The following NSD2 variants were observed in gnomAD, a reference collection of about 807,000 sequenced individuals.
The protein encoded by NSD2 is nuclear receptor binding SET domain protein 2.
NSD2 carries 12 observed loss-of-function variants against 139.0 expected under a neutral mutation model. The ratio of observed to expected loss-of-function variants is 0.09; its 90% confidence interval spans 0.06 to 0.14. NSD2 has a LOEUF of 0.14. NSD2 is among the 10% of genes least tolerant of loss of function. The pLI, the probability that NSD2 is intolerant of heterozygous loss-of-function variation, is 1.00. For synonymous variants in NSD2, 669 were observed against 648.7 expected, an observed-to-expected ratio of 1.03 and a Z score of -0.48; for missense variants, 1,155 against 1,745.0, an observed-to-expected ratio of 0.66 and a Z score of 6.02.
At chr4:1,945,396 GT>G (rs1226303105) in intron 9 of NSD2, 1 of 1,064,794 alleles carries the variant, frequency 9.4e-7, no homozygotes, top group Non-Finnish European at 1.1e-6. Context: ...CATGGTGTGT[GT>G]GTCCAGAGGT....
At chr4:1,959,931 G>A (rs1308296877) in intron 17 of NSD2, among the ~76,000 whole-genome samples, 191 bp downstream of exon 17, 1 of 152,152 alleles carries the variant, frequency 6.6e-6, no homozygotes, top group Non-Finnish European at 1.5e-5. Flanking sequence ...CATGATTGTA[G>A]TTCACTGCAG....
At chr4:1,876,861 G>C (rs893975233) in intron 1 of NSD2, among the ~76,000 whole-genome samples, 2 of 152,082 alleles carry the variant, frequency 1.3e-5, no homozygotes, top group African/African-American at 4.8e-5. Context: ...TGCTGGTGCG[G>C]TGGGTGGCTC....
Position 1,898,050 on chromosome 4 carries a change from C to A in NSD2, c.-29-2576C>A, listed in dbSNP as rs558618855. ...CCTCCTTCTGGGTGGAACTCCAGACCCTTTAATATTGTTCCACAGATCTGT... is the reference window on the plus strand; with the variant it reads ...CCTCCTTCTGGGTGGAACTCCAGACACTTTAATATTGTTCCACAGATCTGT... On this transcript the variant is annotated intron_variant, in intron 1 of 21. Coordinates refer to ENST00000508803, the MANE Select transcript of NSD2 (RefSeq NM_001042424.3). Among the ~76,000 whole-genome samples the A allele has an allele frequency of 4.7e-4, 72 of 152,188 alleles. No homozygotes were observed. The South Asian group carries it at 5.4e-3, about 11-fold the overall frequency.
At chr4:1,913,240 T>G (rs1484831231) in intron 3 of NSD2, among the ~76,000 whole-genome samples, 1 of 152,228 alleles carries the variant, frequency 6.6e-6, no homozygotes, top group Non-Finnish European at 1.5e-5. Context: ...CGCCAGTGCC[T>G]GGGAAGGCAC....
Position 1,948,012 on chromosome 4 carries a change from G to T in NSD2, c.1882-3060G>T. The T allele has an allele frequency of 1.9e-6, 2 of 1,056,358 alleles. No individual in the cohort carries two copies. Among genetic ancestry groups the T allele is most frequent in the Non-Finnish European group, 2.3e-6 (2 of 873,514 alleles). The allele number at this position is 1,056,358 out of a possible 1,614,324, so 65.4% of individuals were successfully genotyped here. A position where few individuals can be genotyped will look rare whatever the true frequency, so the allele number is the denominator to read the frequency against. ...TGTTCACTAGGTTCCGTTATGTTTG[G>T]TAATATCATCTTGAAAAGTCCCTGT... is the stretch of plus-strand genomic sequence containing the variant. On this transcript the variant is annotated intron_variant, in intron 9 of 21. Transcript: ENST00000508803. The surrounding 1 kb of genome is among the most constrained non-coding windows in gnomAD (Gnocchi z 4.5).
chr4:1,881,844 A>AGAGCAGG lies in NSD2; in HGVS notation c.-30+10309_-30+10315dup, dbSNP rs1714728303. Among the ~76,000 whole-genome samples the AGAGCAGG allele has an allele frequency of 3.3e-5, 5 of 152,220 alleles. No individual in the cohort carries two copies. The South Asian group carries it at 1.0e-3, about 32-fold the overall frequency. On this transcript the variant is annotated intron_variant, in intron 1 of 21. Coordinates refer to ENST00000508803, the MANE Select transcript of NSD2 (RefSeq NM_001042424.3). Reference sequence around the variant, plus strand: ...AAGACTTCCTGATGGGATAGACACTAGAGCAGGGAGCAGAGAGCAGAACGG... The same window carrying AGAGCAGG: ...AAGACTTCCTGATGGGATAGACACTAGAGCAGGGAGCAGGGAGCAGAGAGCAGAACGG...
intron 9 of NSD2, chr4:1,940,161 TATAC>T: frequency 9.0e-7 from 1 of 1,107,498 alleles, no homozygotes; most frequent in Non-Finnish European, 1.1e-6. Context: ...TGAGCTGACA[TATAC>T]TGGGTGGGGT....
intron 1 of NSD2, among the ~76,000 whole-genome samples, chr4:1,898,777 CAG>C (rs777484008): frequency 6.8e-6 from 1 of 148,120 alleles, no homozygotes; most frequent in Non-Finnish European, 1.5e-5. Context: ...GGAATTTGGG[CAG>C]AGTTTATAGG....
intron 5 of NSD2, among the ~76,000 whole-genome samples, chr4:1,922,836 G>T (rs779204675): frequency 6.6e-6 from 1 of 152,260 alleles, no homozygotes; most frequent in Non-Finnish European, 1.5e-5. Flanking sequence ...TGAGGCTGGA[G>T]AATTGCTTGA....
chr4:1,920,361 A>G (rs1719957030), intron 5 of NSD2, among the ~76,000 whole-genome samples: 1 of 151,836 alleles, frequency 6.6e-6, no homozygotes. Context: ...GAGGCAGGAG[A>G]ATCACTTGAA....
At chr4:1,966,373 AG>A (rs1725887556) in intron 18 of NSD2, among the ~76,000 whole-genome samples, 1 of 63,438 alleles carries the variant, frequency 1.6e-5, no homozygotes, top group African/African-American at 4.9e-5. Context: ...TTGAAGAGAT[AG>A]GGCTGGGCAT....
chr4:1,880,974 T>A (rs778416669), intron 1 of NSD2, among the ~76,000 whole-genome samples: 1 of 152,206 alleles, frequency 6.6e-6, no homozygotes, highest in African/African-American at 2.4e-5. Context: ...GGGTTTGTTA[T>A]GTTTAGTAAT....
intron 1 of NSD2, among the ~76,000 whole-genome samples, chr4:1,885,359 A>T (rs1715008801): frequency 6.6e-6 from 1 of 152,166 alleles, no homozygotes; most frequent in South Asian, 2.1e-4. Flanking sequence ...GTGGAGCATT[A>T]TTGAGGGCTC....
intron 1 of NSD2, among the ~76,000 whole-genome samples, chr4:1,877,266 G>A (rs1027621822): frequency 7.2e-5 from 11 of 152,004 alleles, no homozygotes; most frequent in African/African-American, 2.4e-4. Context: ...GCATTTTTCC[G>A]ACTCCGGTTT....
rs1191501249 is a variant in NSD2 at position 1,976,808 on chromosome 4, A to AG, written c.3826+131dup. The stretch of plus-strand genomic sequence containing the variant: ...GGCACATCAGGCGCTCATGCAGCGA[A>AG]GGCCCTGATCCAGGGTGGCAGAGCC... On this transcript the variant is annotated intron_variant, in intron 21 of 21. Coordinates refer to ENST00000508803, the MANE Select transcript of NSD2 (RefSeq NM_001042424.3). This position sits in a 1 kb window ranked among gnomAD's most constrained non-coding sequence, Gnocchi z 5.3. The AG allele has an allele frequency of 1.4e-5, 13 of 960,958 alleles. 1 individual carries two copies. Among genetic ancestry groups the AG allele is most frequent in the South Asian group, 8.6e-5 (5 of 58,430 alleles). The allele number at this position is 960,958 out of a possible 1,614,324, so 59.5% of individuals were successfully genotyped here. A position where few individuals can be genotyped will look rare whatever the true frequency, so the allele number is the denominator to read the frequency against.
chr4:1,935,308 G>C (rs751170241), intron 7 of NSD2, 46 bp downstream of exon 7: 1 of 1,433,750 alleles, frequency 7.0e-7, no homozygotes, highest in Non-Finnish European at 9.8e-7. Context: ...TGTATGCTCT[G>C]TGACTCTTGG....
At position 1,953,539 on chromosome 4, in the gene NSD2, G is replaced by C. The variant is rs1724497927; in HGVS notation, c.2338+15G>C. On this transcript the variant is annotated intron_variant, in intron 12 of 21. Transcript: ENST00000508803. ...GCCGTCAAAAGGTACAGGTGCACCT[G>C]CGCAGCCTTGCTGTGGGTTCAGATG... 6.3e-7 allele frequency: 1 copy of C among 1,589,042 alleles called. No individual in the cohort carries two copies. Among genetic ancestry groups the C allele is most frequent in the Admixed American group, 1.7e-5 (1 of 58,606 alleles).
At chr4:1,921,233 A>G (rs1720074289) in intron 5 of NSD2, among the ~76,000 whole-genome samples, 2 of 151,734 alleles carry the variant, frequency 1.3e-5, no homozygotes, top group African/African-American at 2.4e-5. Context: ...TGAGGCGGGT[A>G]GATCACTTGA....
chr4:1,923,709 C>T (rs899573020), intron 5 of NSD2, among the ~76,000 whole-genome samples: 8 of 152,080 alleles, frequency 5.3e-5, no homozygotes, highest in African/African-American at 1.9e-4. Context: ...AGTTTTACTC[C>T]TAGATATTTA....
Sources: allele counts gnomAD v4.1 joint callset (sites outside exome capture counted in the v4.1 genomes callset), GRCh38; gene constraint gnomAD v4.1.1; non-coding constraint Gnocchi (gnomAD v3.1); transcripts MANE v1.5; gene names NCBI Gene and HGNC (gene_info 2026-07-23, HGNC 2026-07-21).